The following CECR2 variants were observed in gnomAD, a reference collection of about 807,000 sequenced individuals.
CECR2 encodes the protein chromatin remodeling regulator CECR2.
Under a neutral mutation model 154.5 loss-of-function variants are expected in CECR2, and 30 were observed. The ratio of observed to expected loss-of-function variants is 0.19; its 90% CI spans 0.15 to 0.26. CECR2 has a LOEUF of 0.26. Among genes scored for constraint, CECR2 ranks in the 10% least tolerant of loss-of-function variants. The pLI is 1.00. For missense variants in CECR2, 1,743 were observed against 1,829.3 expected (o/e 0.95, Z 0.86); for synonymous variants, 725 against 683.7 (o/e 1.06, Z -0.94).
At chr22:17,413,334 C>A (rs1039561529) in intron 1 of CECR2, among the ~76,000 whole-genome samples, 17 of 152,188 alleles carry the variant, frequency 1.1e-4, no homozygotes, top group Admixed American at 2.0e-4. Context: ...CGTTTCCAAG[C>A]AAATACCCTG....
chr22:17,514,772 G>A (rs531842348), intron 8 of CECR2, among the ~76,000 whole-genome samples: 7 of 152,242 alleles, frequency 4.6e-5, no homozygotes, highest in Non-Finnish European at 1.0e-4. Flanking sequence ...GGTGGCTCAC[G>A]CCTGTAATCC....
Position 17,391,090 on chromosome 22 carries a change from A to G in CECR2, c.126+21181A>G, listed in dbSNP as rs117227374. On this transcript the variant is annotated intron_variant, in intron 1 of 18. Coordinates refer to ENST00000262608, the MANE Select transcript of CECR2 (RefSeq NM_001290047.2). ...CTGTGTCATGAGAGTCTACCCCTTCATAGTTTCACATGTACATGTACTTCC... is the reference window on the plus strand; with the variant it reads ...CTGTGTCATGAGAGTCTACCCCTTCGTAGTTTCACATGTACATGTACTTCC... 2.5e-3 allele frequency among the ~76,000 whole-genome samples: 387 copies of G among 152,330 alleles called. 1 individual carries two copies. Among genetic ancestry groups the G allele is most frequent in the Non-Finnish European group, 4.3e-3 (292 of 68,024 alleles).
At chr22:17,389,121 C>T (rs1179563590) in intron 1 of CECR2, among the ~76,000 whole-genome samples, 2 of 151,984 alleles carry the variant, frequency 1.3e-5, no homozygotes, top group Non-Finnish European at 2.9e-5. Context: ...GCCTTAAAAA[C>T]TTTATTTTTA....
intron 2 of CECR2, among the ~76,000 whole-genome samples, chr22:17,487,286 G>T (rs1186789425): frequency 2.0e-5 from 3 of 152,204 alleles, no homozygotes. Flanking sequence ...CCACTGGGAA[G>T]TAACCTGGCA....
chr22:17,482,061 G>A (rs186601776), intron 2 of CECR2, among the ~76,000 whole-genome samples: 2,082 of 137,204 alleles, frequency 0.015, 27 homozygotes, highest in South Asian at 0.052. Context: ...CTTGCAGGAA[G>A]CCGAGATCAC....
At position 17,542,167 on chromosome 22, in the gene CECR2, G is replaced by A. The variant is rs1459322621; in HGVS notation, c.2024G>A (p.Gly675Glu). Residue 675 changes from glycine to glutamate, a missense_variant, in exon 16 of 19, where the codon GGA becomes GAA. Coordinates refer to ENST00000262608, the MANE Select transcript of CECR2 (RefSeq NM_001290047.2). ...RQPFTMQPPV[G>E]INSLRGPRLG... ...TTTTCTCGTTGCCAGCCTCCAGTTGGAATTAACAGCCTCCGAGGACCCAGG... is the reference window on the plus strand; with the variant it reads ...TTTTCTCGTTGCCAGCCTCCAGTTGAAATTAACAGCCTCCGAGGACCCAGG... 1.9e-6 allele frequency: 3 copies of A among 1,610,340 alleles called. No individual in the cohort carries two copies. Among genetic ancestry groups the A allele is most frequent in the African/African-American group, 1.3e-5 (1 of 74,990 alleles).
At chr22:17,541,812 C>T (rs1386305985) in intron 14 of CECR2, 27 bp from the exon 15 acceptor site, 6 of 1,586,014 alleles carry the variant, frequency 3.8e-6, no homozygotes, top group Admixed American at 3.7e-5. Context: ...CCTTTTTCCT[C>T]TTCTTGCTTT....
chr22:17,469,428 C>A (rs987209752), intron 1 of CECR2, among the ~76,000 whole-genome samples: 1 of 152,160 alleles, frequency 6.6e-6, no homozygotes, highest in African/African-American at 2.4e-5. Context: ...GAATTAGTTT[C>A]GACGGGGTCA....
chr22:17,495,965 C>T (rs1008150190), intron 2 of CECR2, among the ~76,000 whole-genome samples: 2 of 151,508 alleles, frequency 1.3e-5, no homozygotes, highest in Non-Finnish European at 2.9e-5. Flanking sequence ...TGCTTGAGCT[C>T]AGGAGTTTGA....
intron 8 of CECR2, among the ~76,000 whole-genome samples, chr22:17,523,755 C>CAAAAA (rs66963477): frequency 2.0e-5 from 2 of 101,162 alleles, no homozygotes; most frequent in Admixed American, 1.1e-4. Context: ...GACTCTATCT[C>CAAAAA]AAAAAAAAAA....
At chr22:17,526,678 A>G (rs1167129424) in intron 9 of CECR2, among the ~76,000 whole-genome samples, 2 of 151,952 alleles carry the variant, frequency 1.3e-5, no homozygotes, top group Non-Finnish European at 2.9e-5. Flanking sequence ...GCACGGTGGC[A>G]GGCACCGGTA....
At chr22:17,536,902 T>G (rs1249497818) in intron 9 of CECR2, among the ~76,000 whole-genome samples, 1 of 152,068 alleles carries the variant, frequency 6.6e-6, no homozygotes. Flanking sequence ...GGAAACAGGT[T>G]CAATTAGTTT....
chr22:17,382,419 G>C (rs1045870420), intron 1 of CECR2, among the ~76,000 whole-genome samples: 2 of 152,124 alleles, frequency 1.3e-5, no homozygotes, highest in Non-Finnish European at 2.9e-5. Flanking sequence ...ACTAGTTTTA[G>C]CTACAGGCAC....
intron 1 of CECR2, among the ~76,000 whole-genome samples, chr22:17,472,030 G>A (rs2055136076): frequency 6.6e-6 from 1 of 152,080 alleles, no homozygotes; most frequent in Non-Finnish European, 1.5e-5. Flanking sequence ...AGCTATTTTG[G>A]TTTCCTTTCT....
At chr22:17,384,149 C>T (rs2063233276) in intron 1 of CECR2, among the ~76,000 whole-genome samples, 1 of 152,200 alleles carries the variant, frequency 6.6e-6, no homozygotes, top group Admixed American at 6.5e-5. Flanking sequence ...TTCTTAATGG[C>T]ATCTAGAATC....
intron 1 of CECR2, among the ~76,000 whole-genome samples, chr22:17,454,901 A>C (rs1320742280): frequency 6.6e-6 from 1 of 152,216 alleles, no homozygotes; most frequent in East Asian, 1.9e-4. Flanking sequence ...CTTTCTGCAG[A>C]AAGGGTACAC....
chr22:17,440,287 C>T (rs12628022), intron 1 of CECR2, among the ~76,000 whole-genome samples: 8,231 of 152,120 alleles, frequency 0.054, 475 homozygotes, highest in East Asian at 0.23. Flanking sequence ...AGTCATTAGT[C>T]ATTCAGGCTC....
At chr22:17,436,751 G>C (rs1375317256) in intron 1 of CECR2, among the ~76,000 whole-genome samples, 1 of 152,232 alleles carries the variant, frequency 6.6e-6, no homozygotes, top group African/African-American at 2.4e-5. Flanking sequence ...AGAAAAAGGG[G>C]CGGAGGAGAA....
intron 1 of CECR2, among the ~76,000 whole-genome samples, chr22:17,437,116 G>A (rs1360107442): frequency 6.6e-6 from 1 of 152,094 alleles, no homozygotes; most frequent in African/African-American, 2.4e-5. Flanking sequence ...GGGTTGTCTG[G>A]TGTTTGTTTC....
Sources: gnomAD v4.1 joint callset for allele counts (sites outside exome capture counted in the v4.1 genomes callset) on GRCh38, gnomAD v4.1.1 for gene constraint, MANE v1.5 for transcripts, NCBI Gene and HGNC (gene_info 2026-07-23, HGNC 2026-07-21) for gene names.